The following FXN variants were observed in gnomAD, a reference collection of about 807,000 sequenced individuals.
FXN encodes frataxin.
FXN carries 14 observed loss-of-function variants against 22.4 expected under a neutral mutation model. That is an observed-to-expected ratio of 0.62 (90% CI 0.41 to 0.98). FXN has a LOEUF of 0.98. FXN is among the 50% of genes least tolerant of loss of function. The pLI is 0.00. For synonymous variants in FXN, 120 were observed against 114.1 expected, an observed-to-expected ratio of 1.05 and a Z score of -0.33; for missense variants, 267 against 268.4, an observed-to-expected ratio of 0.99 and a Z score of 0.04.
intron 2 of FXN, among the ~76,000 whole-genome samples, chr9:69,048,821 T>C (rs1831803818): frequency 6.6e-6 from 1 of 152,200 alleles, no homozygotes; most frequent in Admixed American, 6.5e-5. Flanking sequence ...CCAGGTTATC[T>C]GAGACTCAGA....
rs1197392386 is a variant in FXN at position 69,073,876 on chromosome 9, T to C, written c.*1114T>C. ...TTGCCCTATCGTGATTTCAGTTGAA[T>C]TCATGTGAAAATAATAGCCATCCTT... On this transcript the variant is annotated 3_prime_UTR_variant, in exon 5 of 5. Coordinates refer to ENST00000484259, the MANE Select transcript of FXN (RefSeq NM_000144.5). 2.0e-6 allele frequency: 2 copies of C among 985,258 alleles called. No individual in the cohort carries two copies. The highest frequency in any genetic ancestry group is 2.4e-6 in the Non-Finnish European group (2 of 829,920). 61.0% of individuals were successfully genotyped at this position (985,258 alleles called of 1,614,324 possible).
At chr9:69,047,724 C>T (rs78899813) in intron 2 of FXN, among the ~76,000 whole-genome samples, 3 of 151,298 alleles carry the variant, frequency 2.0e-5, no homozygotes, top group African/African-American at 7.3e-5. Context: ...CTCTCTCTCT[C>T]TTTTTTTTTC....
chr9:69,053,192 T>A lies in FXN; in HGVS notation c.316T>A (p.Leu106Ile). Residue 106 changes from leucine (L) to isoleucine (I), a missense_variant, in exon 3 of 5, where the codon TTA (leucine) becomes ATA (isoleucine). Leu to Ile is a conservative substitution (Grantham distance 5). Coordinates refer to ENST00000484259, the MANE Select transcript of FXN (RefSeq NM_000144.5). ...ACTAGCAGAGGAAACGCTGGACTCT[T>A]TAGCAGAGTTTTTTGAAGACCTTGC... Reference protein sequence around the residue: ...ERLAEETLDSLAEFFEDLADK... With the variant: ...ERLAEETLDSIAEFFEDLADK... The A allele has an allele frequency of 6.2e-7, 1 of 1,613,988 alleles. No individual in the cohort carries two copies. The highest frequency in any genetic ancestry group is 8.5e-7 in the Non-Finnish European group (1 of 1,179,960).
intron 3 of FXN, among the ~76,000 whole-genome samples, chr9:69,064,426 CTAA>C (rs1832131234): frequency 6.6e-6 from 1 of 152,208 alleles, no homozygotes; most frequent in Non-Finnish European, 1.5e-5. Flanking sequence ...AGAGCTGAAG[CTAA>C]TGCTCTCCTA....
rs1303693321 is a variant in FXN, at chr9:69,074,205, T to A, written c.*1443T>A. On this transcript the variant is annotated 3_prime_UTR_variant, in exon 5 of 5. Transcript: ENST00000484259. Reference sequence around the variant, plus strand: ...TCTCAAAATAATAATAACAATATAATAATAATAATAGCCATCCTTTATTGT... The same window carrying A: ...TCTCAAAATAATAATAACAATATAAAAATAATAATAGCCATCCTTTATTGT... 1 of 908,304 alleles carries A rather than the reference T, an allele frequency of 1.1e-6. No individual in the cohort carries two copies. Among genetic ancestry groups the A allele is most frequent in the African/African-American group, 1.8e-5 (1 of 55,640 alleles). The allele number at this position is 908,304 out of a possible 1,614,324, so 56.3% of individuals were successfully genotyped here.
chr9:69,047,350 GACAC>G lies in FXN; in HGVS notation c.263+895_263+898del, dbSNP rs148756619. ...ACACAGACACAGACACACACACACA[GACAC>G]ACACACACACACACACACACACACA... On this transcript the variant is annotated intron_variant, in intron 2 of 4. Transcript: ENST00000484259. Among the ~76,000 whole-genome samples, 1,397 of 144,118 alleles carry G rather than the reference GACAC, an allele frequency of 9.7e-3. 8 individuals are homozygous for G. Among genetic ancestry groups the G allele is most frequent in the Middle Eastern group, 0.018 (5 of 278 alleles). The allele number at this position is 144,118 out of a possible 152,430, so 94.5% of individuals were successfully genotyped here.
intron 4 of FXN, among the ~76,000 whole-genome samples, chr9:69,070,843 A>C (rs1468759399): frequency 6.7e-6 from 1 of 149,144 alleles, no homozygotes; most frequent in Non-Finnish European, 1.5e-5. Context: ...ATTAAAAATA[A>C]TTTTTTTTGT....
chr9:69,066,858 C>CAAAA (rs71500343), intron 4 of FXN, among the ~76,000 whole-genome samples: 2 of 144,830 alleles, frequency 1.4e-5, no homozygotes, highest in Admixed American at 6.8e-5. Context: ...CTATCTTCCT[C>CAAAA]AAAAAAAAAA....
chr9:69,042,736 C>T (rs997111829), intron 1 of FXN, among the ~76,000 whole-genome samples: 2 of 152,226 alleles, frequency 1.3e-5, no homozygotes, highest in South Asian at 2.1e-4. Context: ...AAGGTATCAG[C>T]GACTAAGACA....
chr9:69,041,861 T>G (rs1431980990), intron 1 of FXN, among the ~76,000 whole-genome samples: 1 of 152,188 alleles, frequency 6.6e-6, no homozygotes, highest in Non-Finnish European at 1.5e-5. Context: ...AGCCTCAAGC[T>G]AGGCAAGCCT....
At chr9:69,068,283 C>T (rs1832209829) in intron 4 of FXN, among the ~76,000 whole-genome samples, 1 of 152,208 alleles carries the variant, frequency 6.6e-6, no homozygotes, top group Non-Finnish European at 1.5e-5. Flanking sequence ...TTTCCACTCC[C>T]CCAAGGCATT....
At position 69,073,244 on chromosome 9, in the gene FXN, T is replaced by C. The variant is rs7866878; in HGVS notation, c.*482T>C. On this transcript the variant is annotated 3_prime_UTR_variant, in exon 5 of 5. Coordinates refer to ENST00000484259, the MANE Select transcript of FXN (RefSeq NM_000144.5). ...AAATGTTTTCAGGCTTCTTTCAAAG[T>C]GTAAGCACTTCTGAGCTCTTTAGCA... 0.053 allele frequency: 54,992 copies of C among 1,032,240 alleles called. 1,845 individuals carry two copies. Among genetic ancestry groups the C allele is most frequent in the African/African-American group, 0.15 (8,701 of 58,088 alleles). 63.9% of individuals were successfully genotyped at this position (1,032,240 alleles called of 1,614,324 possible).
At position 69,078,031 on chromosome 9, in the gene FXN, G is replaced by A. The variant is rs80012734; in HGVS notation, c.*5269G>A. On this transcript the variant is annotated 3_prime_UTR_variant, in exon 5 of 5. Coordinates refer to ENST00000484259, the MANE Select transcript of FXN (RefSeq NM_000144.5). ...TTCCCAATTACATTCCTTTCCTACC[G>A]CACTCTATGATGCTAGCTGAGATTT... 19,112 of 984,974 alleles carry A rather than the reference G, an allele frequency of 0.019. 225 individuals carry two copies. The highest frequency in any genetic ancestry group is 0.021 in the Non-Finnish European group (17,779 of 829,628). 61.0% of individuals were successfully genotyped at this position (984,974 alleles called of 1,614,324 possible).
At chr9:69,068,170 T>C (rs1386416192) in intron 4 of FXN, among the ~76,000 whole-genome samples, 1 of 152,160 alleles carries the variant, frequency 6.6e-6, no homozygotes, top group Non-Finnish European at 1.5e-5. Context: ...GAGGATCGCA[T>C]GTGGACACGG....
chr9:69,045,821 A>AG (rs1341286916), intron 1 of FXN, among the ~76,000 whole-genome samples: 3 of 149,772 alleles, frequency 2.0e-5, no homozygotes, highest in Non-Finnish European at 4.4e-5. Flanking sequence ...TTATAAGGTA[A>AG]GGGGGGAAGT....
At chr9:69,065,060 A>T (rs377613528) in intron 4 of FXN, 25 bp downstream of exon 4, 30 of 1,546,064 alleles carry the variant, frequency 1.9e-5, no homozygotes, top group Non-Finnish European at 2.7e-5. Context: ...TCAGAAGTCA[A>T]CATATGTAAT....
rs553338069 is a variant in FXN, at chr9:69,074,851, A to G, written c.*2089A>G. 1.8e-4 allele frequency: 178 copies of G among 984,236 alleles called. 1 individual carries two copies. The Middle Eastern group carries it at 3.7e-3, about 20-fold the overall frequency. The allele number at this position is 984,236 out of a possible 1,614,324, so 61.0% of individuals were successfully genotyped here. The stretch of plus-strand genomic sequence containing the variant: ...GAGTCTGATGGAAATGTTTAAGTGC[A>G]GTAGGCCAGTGCCAGTGAGAAAATA... On this transcript the variant is annotated 3_prime_UTR_variant, in exon 5 of 5. Transcript: ENST00000484259.
In FXN at chr9:69,075,451, C is replaced by T; in HGVS notation, c.*2689C>T. The T allele has an allele frequency of 1.5e-6, 1 of 674,082 alleles. No individual in the cohort carries two copies. Among genetic ancestry groups the T allele is most frequent in the Non-Finnish European group, 1.8e-6 (1 of 558,700 alleles). The allele number at this position is 674,082 out of a possible 1,614,324, so 41.8% of individuals were successfully genotyped here. On this transcript the variant is annotated 3_prime_UTR_variant, in exon 5 of 5. Coordinates refer to ENST00000484259, the MANE Select transcript of FXN (RefSeq NM_000144.5). Reference sequence around the variant, plus strand: ...CTCCAGCCTGGCCAACAGAGCCATACTCCGTCTCAAATAAATAAATAAATA... The same window carrying T: ...CTCCAGCCTGGCCAACAGAGCCATATTCCGTCTCAAATAAATAAATAAATA...
chr9:69,059,200 A>G (rs1170475598), intron 3 of FXN, among the ~76,000 whole-genome samples: 1 of 152,174 alleles, frequency 6.6e-6, no homozygotes, highest in Non-Finnish European at 1.5e-5. Context: ...GGTGATTGGT[A>G]CAAGAGTAGA....
Sources: allele counts gnomAD v4.1 joint callset (sites outside exome capture counted in the v4.1 genomes callset), GRCh38; gene constraint gnomAD v4.1.1; transcripts MANE v1.5; gene names NCBI Gene and HGNC (gene_info 2026-07-23, HGNC 2026-07-21).